The following HTR5A variants were observed in gnomAD, a reference collection of about 807,000 sequenced individuals.
HTR5A encodes 5-HT-5.
In HTR5A, 21 loss-of-function variants were observed where a neutral mutation model predicts 24.3. The ratio of observed to expected loss-of-function variants is 0.86; its 90% CI spans 0.61 to 1.24. HTR5A has a LOEUF of 1.24. HTR5A is among the 50% of genes most tolerant of loss of function. The probability of loss-of-function intolerance (pLI) is 0.00; values close to 1 mark genes in which losing one functional copy is unlikely to be tolerated. For synonymous variants in HTR5A, 260 were observed against 213.7 expected, an observed-to-expected ratio of 1.22 and a Z score of -1.89; for missense variants, 497 against 489.5, an observed-to-expected ratio of 1.02 and a Z score of -0.15.
intron 1 of HTR5A, among the ~76,000 whole-genome samples, chr7:155,080,067 G>C (rs1292748514): frequency 6.6e-6 from 1 of 152,188 alleles, no homozygotes; most frequent in African/African-American, 2.4e-5. Flanking sequence ...TTATAGAATA[G>C]TTCCTTCTGT....
At position 155,070,648 on chromosome 7, in the gene HTR5A, C is replaced by G; in HGVS notation, c.-252C>G. The G allele has an allele frequency of 7.5e-6, 4 of 536,122 alleles. No individual in the cohort carries two copies. The highest frequency in any genetic ancestry group is 1.0e-5 in the Non-Finnish European group (3 of 299,652). 33.2% of individuals were successfully genotyped at this position (536,122 alleles called of 1,614,324 possible). A position where few individuals can be genotyped will look rare whatever the true frequency, so the allele number is the denominator to read the frequency against. ...TCCTGACAGCTTAGGCGGGCCCTGG[C>G]TGCGACACGCAGCCCCTCGCCTCTG... On this transcript the variant is annotated 5_prime_UTR_variant, in exon 1 of 2. Transcript: ENST00000287907.
chr7:155,086,656 C>T lies in HTR5A; in HGVS notation c.*2169C>T, dbSNP rs575088334. Among the ~76,000 whole-genome samples, 1 of 152,290 alleles carries T rather than the reference C, an allele frequency of 6.6e-6. No homozygotes were observed. The highest frequency in any genetic ancestry group is 2.4e-5 in the African/African-American group (1 of 41,566). ...CACATACACTATCTAGAGCAAGAAACATTCCACATAAGAGAAGGAAGAAGT... is the reference window on the plus strand; with the variant it reads ...CACATACACTATCTAGAGCAAGAAATATTCCACATAAGAGAAGGAAGAAGT... On this transcript the variant is annotated 3_prime_UTR_variant, in exon 2 of 2. Coordinates refer to ENST00000287907, the MANE Select transcript of HTR5A (RefSeq NM_024012.4).
intron 1 of HTR5A, among the ~76,000 whole-genome samples, chr7:155,083,497 C>G (rs913609198): frequency 6.6e-6 from 1 of 152,204 alleles, no homozygotes; most frequent in South Asian, 2.1e-4. Flanking sequence ...AGGAAGTGAA[C>G]TGGAGAGCCT....
chr7:155,077,825 C>CT (rs1795374958), intron 1 of HTR5A, among the ~76,000 whole-genome samples: 1 of 152,034 alleles, frequency 6.6e-6, no homozygotes, highest in Non-Finnish European at 1.5e-5. Flanking sequence ...CTACAATTTT[C>CT]TTTTTTGCTT....
chr7:155,080,298 G>T (rs1339109313), intron 1 of HTR5A, among the ~76,000 whole-genome samples: 1 of 152,098 alleles, frequency 6.6e-6, no homozygotes, highest in Admixed American at 6.5e-5. Flanking sequence ...CTCAATCAAA[G>T]ATCTAGTTAC....
At chr7:155,079,994 T>C (rs1795398664) in intron 1 of HTR5A, among the ~76,000 whole-genome samples, 1 of 152,220 alleles carries the variant, frequency 6.6e-6, no homozygotes, top group Non-Finnish European at 1.5e-5. Flanking sequence ...CTAATAATGG[T>C]CTTCAAATCA....
chr7:155,086,783 A>G lies in HTR5A; in HGVS notation c.*2296A>G, dbSNP rs1563424786. 6.6e-6 allele frequency among the ~76,000 whole-genome samples: 1 copy of G among 152,220 alleles called. No homozygotes were observed. Among genetic ancestry groups the G allele is most frequent in the Non-Finnish European group, 1.5e-5 (1 of 68,032 alleles). On this transcript the variant is annotated 3_prime_UTR_variant, in exon 2 of 2. Coordinates refer to ENST00000287907, the MANE Select transcript of HTR5A (RefSeq NM_024012.4). Reference sequence around the variant, plus strand: ...TTGACTTTGAGTCTCTACTATGCAAATCAAATATTTGTGAAACACTCTCAT... The same window carrying G: ...TTGACTTTGAGTCTCTACTATGCAAGTCAAATATTTGTGAAACACTCTCAT...
Position 155,071,360 on chromosome 7 carries a change from G to A in HTR5A, c.461G>A (p.Arg154His), listed in dbSNP as rs371035945. 3.2e-5 allele frequency: 51 copies of A among 1,613,726 alleles called. No homozygotes were observed. Among genetic ancestry groups the A allele is most frequent in the Non-Finnish European group, 4.2e-5 (49 of 1,180,050 alleles). The change falls in exon 1 of 2, where the codon CGC becomes CAC. Residue 154 changes from arginine (R) to histidine (H), a missense_variant. Arg to His is a conservative substitution (Grantham distance 29). Transcript: ENST00000287907. The stretch of plus-strand genomic sequence containing the variant: ...CACATGGAATACACGCTCCGCACCC[G>A]CAAGTGCGTCTCCAACGTCATGATC... ...TRHMEYTLRT[R>H]KCVSNVMIAL...
intron 1 of HTR5A, among the ~76,000 whole-genome samples, chr7:155,080,514 G>A (rs768248326): frequency 6.6e-6 from 1 of 152,194 alleles, no homozygotes; most frequent in Non-Finnish European, 1.5e-5. Context: ...AGGATCCCAC[G>A]GAGAGTCTTC....
rs1181547886 is a variant in HTR5A, at chr7:155,084,141, C to T, written c.742-14C>T. On this transcript the variant is annotated splice_polypyrimidine_tract_variant and intron_variant, in intron 1 of 1. Coordinates refer to ENST00000287907, the MANE Select transcript of HTR5A (RefSeq NM_024012.4). ...GAGGTGGCTCCTCATAAAGCTCCTG[C>T]TTGTCTTTTACAGGTGAAGGACTCT... The T allele has an allele frequency of 1.9e-6, 3 of 1,574,336 alleles. No homozygotes were observed. In the South Asian group the frequency reaches 3.5e-5, roughly 18 times the overall value.
chr7:155,073,903 A>ATATATATATATGTTTG (rs1554519642), intron 1 of HTR5A, among the ~76,000 whole-genome samples: 2 of 128,382 alleles, frequency 1.6e-5, no homozygotes, highest in Non-Finnish European at 3.2e-5. Flanking sequence ...ATATATATAT[A>ATATATATATATGTTTG]TATATATATA....
rs1016411595 is a variant in HTR5A, at chr7:155,070,708, G to A, written c.-192G>A. ...CCTCTGAGGGCTTCAGACCTGCCGC[G>A]CTTGCAGCCACACCATCTCCAACGG... On this transcript the variant is annotated 5_prime_UTR_variant, in exon 1 of 2. Coordinates refer to ENST00000287907, the MANE Select transcript of HTR5A (RefSeq NM_024012.4). 11 of 636,060 alleles carry A rather than the reference G, an allele frequency of 1.7e-5. No individual in the cohort carries two copies. Among genetic ancestry groups the A allele is most frequent in the Non-Finnish European group, 2.7e-5 (10 of 366,416 alleles). The allele number at this position is 636,060 out of a possible 1,614,324, so 39.4% of individuals were successfully genotyped here.
At chr7:155,075,852 A>G (rs1795353917) in intron 1 of HTR5A, among the ~76,000 whole-genome samples, 1 of 152,124 alleles carries the variant, frequency 6.6e-6, no homozygotes, top group African/African-American at 2.4e-5. Context: ...ACAACTTTAA[A>G]AAAAAACCCT....
In HTR5A at chr7:155,070,945, T is replaced by C. The variant is rs1354803910; in HGVS notation, c.46T>C (p.Ser16Pro). 4 of 1,608,372 alleles carry C rather than the reference T, an allele frequency of 2.5e-6. No individual in the cohort carries two copies. Among genetic ancestry groups the C allele is most frequent in the Non-Finnish European group, 3.4e-6 (4 of 1,179,728 alleles). The change falls in exon 1 of 2, where the codon TCC becomes CCC. Residue 16 changes from serine to proline, a missense_variant. Ser to Pro is a moderately conservative substitution (Grantham distance 74). Transcript: ENST00000287907. ...NLTSFSLSTP[S>P]PLETNHSLGK... ...AACCTCCTTTTCCCTCTCCACCCCC[T>C]CCCCTTTGGAGACCAACCACAGCCT...
At chr7:155,083,714 A>G (rs1795443919) in intron 1 of HTR5A, among the ~76,000 whole-genome samples, 1 of 152,208 alleles carries the variant, frequency 6.6e-6, no homozygotes, top group Non-Finnish European at 1.5e-5. Context: ...GAAAAGTTCT[A>G]ACATTATAGA....
chr7:155,082,567 A>G (rs1795430201), intron 1 of HTR5A, among the ~76,000 whole-genome samples: 1 of 152,166 alleles, frequency 6.6e-6, no homozygotes, highest in Non-Finnish European at 1.5e-5. Context: ...CCCCATTGTC[A>G]CTCATAAAAA....
At chr7:155,078,412 T>C (rs1364925154) in intron 1 of HTR5A, among the ~76,000 whole-genome samples, 1 of 152,196 alleles carries the variant, frequency 6.6e-6, no homozygotes, top group Non-Finnish European at 1.5e-5. Flanking sequence ...TTCTGAAGTC[T>C]ATTTTCTATC....
intron 1 of HTR5A, 79 bp from the exon 2 acceptor site, chr7:155,084,076 C>T: frequency 8.5e-7 from 1 of 1,177,868 alleles, no homozygotes; most frequent in Non-Finnish European, 1.2e-6. Flanking sequence ...GTGCGGAATC[C>T]AGGCCTGTCA....
intron 1 of HTR5A, among the ~76,000 whole-genome samples, chr7:155,079,347 T>C (rs1204516004): frequency 1.3e-5 from 2 of 152,234 alleles, no homozygotes; most frequent in East Asian, 3.8e-4. Context: ...TATAATGTGA[T>C]TGTGTTTTTC....
Sources: allele counts gnomAD v4.1 joint callset (sites outside exome capture counted in the v4.1 genomes callset), GRCh38; gene constraint gnomAD v4.1.1; transcripts MANE v1.5; gene names NCBI Gene and HGNC (gene_info 2026-07-23, HGNC 2026-07-21).